The following GP1BB variants were observed in gnomAD, a reference collection of about 807,000 sequenced individuals.
GP1BB encodes the protein glycoprotein Ib platelet subunit beta.
GP1BB carries 3 observed loss-of-function variants against 2.5 expected under a neutral mutation model. The ratio of observed to expected loss-of-function variants is 1.22; its 90% CI spans 0.56 to 3.15. GP1BB has a LOEUF of 3.15. Among genes scored for constraint, GP1BB ranks in the 30% most tolerant of loss-of-function variants. The pLI is 0.03. For synonymous variants in GP1BB, 191 were observed against 167.5 expected, an observed-to-expected ratio of 1.14 and a Z score of -1.08; for missense variants, 316 against 307.0, an observed-to-expected ratio of 1.03 and a Z score of -0.22.
rs909281931 is a variant in GP1BB at position 19,724,271 on chromosome 22, C to T, written c.428C>T (p.Pro143Leu). The T allele has an allele frequency of 1.6e-6, 2 of 1,267,276 alleles. No individual in the cohort carries two copies. The highest frequency in any genetic ancestry group is 2.0e-6 in the Non-Finnish European group (2 of 1,011,734). 78.5% of individuals were successfully genotyped at this position (1,267,276 alleles called of 1,614,324 possible). A position where few individuals can be genotyped will look rare whatever the true frequency, so the allele number is the denominator to read the frequency against. Residue 143 changes from proline (P) to leucine (L), a missense_variant, in exon 2 of 2, where the codon CCC becomes CTC. Transcript: ENST00000366425. Reference sequence around the variant, plus strand: ...GACGAGCTGCGCGCCGCTTGCGCTCCCGGCCCGCTCTGCTGGGGGGCGCTG... The same window carrying T: ...GACGAGCTGCGCGCCGCTTGCGCTCTCGGCCCGCTCTGCTGGGGGGCGCTG... ...AEDELRAACAPGPLCWGALAA... is the reference protein window; with the variant it reads ...AEDELRAACALGPLCWGALAA...
chr22:19,723,603 C>T (rs1186157847), intron 1 of GP1BB, 24 bp downstream of exon 1: 1 of 1,594,032 alleles, frequency 6.3e-7, no homozygotes, highest in Non-Finnish European at 8.5e-7. Context: ...CCGGTCGGGC[C>T]CCCGGCTGCT....
At position 19,724,651 on chromosome 22, in the gene GP1BB, C is replaced by T. The variant is rs1936131293; in HGVS notation, c.*187C>T. 1.6e-6 allele frequency: 1 copy of T among 617,592 alleles called. No homozygotes were observed. The highest frequency in any genetic ancestry group is 2.4e-5 in the Admixed American group (1 of 40,894). The allele number at this position is 617,592 out of a possible 1,614,324, so 38.3% of individuals were successfully genotyped here. On this transcript the variant is annotated 3_prime_UTR_variant, in exon 2 of 2. Transcript: ENST00000366425. ...ACGTGGGACAGAACTCCTGCCCACC[C>T]TACCCCGAGGGAGGCGAACCCGCAC...
rs1196995165 is a variant in GP1BB at position 19,724,492 on chromosome 22, G to T, written c.*28G>T. The T allele has an allele frequency of 1.3e-5, 19 of 1,449,902 alleles. No homozygotes were observed. The highest frequency in any genetic ancestry group is 1.7e-5 in the Non-Finnish European group (18 of 1,057,890). 89.8% of individuals were successfully genotyped at this position (1,449,902 alleles called of 1,614,324 possible). A position where few individuals can be genotyped will look rare whatever the true frequency, so the allele number is the denominator to read the frequency against. Reference sequence around the variant, plus strand: ...AGAGAACCGGTGCGTCCTGAGGAGAGAACCGGCGCTGGGCAACACGGGCCT... The same window carrying T: ...AGAGAACCGGTGCGTCCTGAGGAGATAACCGGCGCTGGGCAACACGGGCCT... On this transcript the variant is annotated 3_prime_UTR_variant, in exon 2 of 2. Coordinates refer to ENST00000366425, the MANE Select transcript of GP1BB (RefSeq NM_000407.5).
In GP1BB at chr22:19,723,549, C is replaced by A; in HGVS notation, c.-21C>A. 1 of 1,589,886 alleles carries A rather than the reference C, an allele frequency of 6.3e-7. No individual in the cohort carries two copies. Among genetic ancestry groups the A allele is most frequent in the Non-Finnish European group, 8.5e-7 (1 of 1,173,208 alleles). ...CCTACGCCTCCCGCTGCAGAGTAAGCCGGGCTGCCGTCTTCTCGCCATGGG... is the reference window on the plus strand; with the variant it reads ...CCTACGCCTCCCGCTGCAGAGTAAGACGGGCTGCCGTCTTCTCGCCATGGG... On this transcript the variant is annotated 5_prime_UTR_variant, in exon 1 of 2. Transcript: ENST00000366425.
chr22:19,724,459 T>C lies in GP1BB; in HGVS notation c.616T>C (p.Ser206Pro), dbSNP rs1601249241. ...GGCCGAGCGAGCCGGAACCGACGAG[T>C]CCTGAGGAGAGAACCGGTGCGTCCT... is the stretch of plus-strand genomic sequence containing the variant. ...LVAERAGTDE[S>P] is the part of the protein sequence containing the mutation. The change falls in exon 2 of 2, where the codon TCC (serine) becomes CCC (proline). Residue 206 changes from serine to proline, a missense_variant. Physicochemically the swap from Ser to Pro is moderately conservative, Grantham distance 74. Coordinates refer to ENST00000366425, the MANE Select transcript of GP1BB (RefSeq NM_000407.5). 6.5e-7 allele frequency: 1 copy of C among 1,539,046 alleles called. No homozygotes were observed. Among genetic ancestry groups the C allele is most frequent in the Non-Finnish European group, 8.8e-7 (1 of 1,139,356 alleles).
In GP1BB at chr22:19,723,872, G is replaced by A. The variant is rs1321570653; in HGVS notation, c.29G>A (p.Ser10Asn). 6.6e-7 allele frequency: 1 copy of A among 1,524,580 alleles called. No individual in the cohort carries two copies. Among genetic ancestry groups the A allele is most frequent in the South Asian group, 1.2e-5 (1 of 82,918 alleles). 94.4% of individuals were successfully genotyped at this position (1,524,580 alleles called of 1,614,324 possible). ...CTTGCAGGGCCGCGCGGGGCGCTGAGCTTACTGCTCCTGCTGCTGGCCCCG... is the reference window on the plus strand; with the variant it reads ...CTTGCAGGGCCGCGCGGGGCGCTGAACTTACTGCTCCTGCTGCTGGCCCCG... MGSGPRGAL[S>N]LLLLLLAPPS... The change falls in exon 2 of 2, where the codon AGC becomes AAC. Residue 10 changes from serine to asparagine, a missense_variant. Transcript: ENST00000366425.
In GP1BB at chr22:19,724,211, C is replaced by T. The variant is rs1224690507; in HGVS notation, c.368C>T (p.Ala123Val). The T allele has an allele frequency of 4.9e-6, 6 of 1,226,162 alleles. No individual in the cohort carries two copies. In the African/African-American group the frequency reaches 7.9e-5, roughly 16 times the overall value. 76.0% of individuals were successfully genotyped at this position (1,226,162 alleles called of 1,614,324 possible). The change falls in exon 2 of 2, where the codon GCG becomes GTG. Residue 123 changes from alanine to valine, a missense_variant. Coordinates refer to ENST00000366425, the MANE Select transcript of GP1BB (RefSeq NM_000407.5). ...YRDLRCVAPP[A>V]LRGRLLPYLA... ...GACCTGCGTTGCGTGGCGCCCCCAG[C>T]GCTGCGCGGCCGCCTGCTGCCCTAT...
In GP1BB at chr22:19,724,564, A is replaced by G. The variant is rs1849629575; in HGVS notation, c.*100A>G. The G allele has an allele frequency of 5.9e-6, 5 of 853,600 alleles. No individual in the cohort carries two copies. The highest frequency in any genetic ancestry group is 9.6e-6 in the Non-Finnish European group (5 of 519,010). The allele number at this position is 853,600 out of a possible 1,614,324, so 52.9% of individuals were successfully genotyped here. On this transcript the variant is annotated 3_prime_UTR_variant, in exon 2 of 2. Transcript: ENST00000366425. ...CCGAGGGGCCCTCGCGCCAACCTGG[A>G]CCGGTCCCCGCCTCCTCCGCTGCCC... is the stretch of plus-strand genomic sequence containing the variant.
Position 19,723,870 on chromosome 22 carries a change from G to C in GP1BB, c.27G>C (p.Leu9=). 1 of 1,524,798 alleles carries C rather than the reference G, an allele frequency of 6.6e-7. No homozygotes were observed. The highest frequency in any genetic ancestry group is 8.8e-7 in the Non-Finnish European group (1 of 1,142,744). 94.5% of individuals were successfully genotyped at this position (1,524,798 alleles called of 1,614,324 possible). Residue 9 remains leucine (L), a synonymous_variant, in exon 2 of 2, where the codon CTG becomes CTC. Transcript: ENST00000366425. The part of the protein sequence containing the change: MGSGPRGA[L]SLLLLLLAPP... ...CCCTTGCAGGGCCGCGCGGGGCGCT[G>C]AGCTTACTGCTCCTGCTGCTGGCCC...
chr22:19,723,600 G>T, intron 1 of GP1BB, 21 bp downstream of exon 1: 1 of 1,595,038 alleles, frequency 6.3e-7, no homozygotes, highest in Non-Finnish European at 8.5e-7. Context: ...AGTCCGGTCG[G>T]GCCCCCGGCT....
chr22:19,724,681 A>G lies in GP1BB; in HGVS notation c.*217A>G. 1 of 589,140 alleles carries G rather than the reference A, an allele frequency of 1.7e-6. No individual in the cohort carries two copies. The highest frequency in any genetic ancestry group is 4.6e-4 in the Middle Eastern group (1 of 2,178). 36.5% of individuals were successfully genotyped at this position (589,140 alleles called of 1,614,324 possible). A position where few individuals can be genotyped will look rare whatever the true frequency, so the allele number is the denominator to read the frequency against. On this transcript the variant is annotated 3_prime_UTR_variant, in exon 2 of 2. Coordinates refer to ENST00000366425, the MANE Select transcript of GP1BB (RefSeq NM_000407.5). ...CCGAGGGAGGCGAACCCGCACTTCC[A>G]GGCTTGGGAGGACCATGGGGCACAA...
At chr22:19,723,641 C>G (rs745463875) in intron 1 of GP1BB, 62 bp downstream of exon 1, 1 of 1,555,576 alleles carries the variant, frequency 6.4e-7, no homozygotes, top group East Asian at 2.3e-5. Flanking sequence ...TTGAGAGGAG[C>G]TCTGGTCGTT....
chr22:19,723,646 G>T (rs1380223113), intron 1 of GP1BB, 67 bp downstream of exon 1: 1 of 1,541,218 alleles, frequency 6.5e-7, no homozygotes, highest in Admixed American at 1.8e-5. Flanking sequence ...AGGAGCTCTG[G>T]TCGTTTGGCT....
At position 19,724,368 on chromosome 22, in the gene GP1BB, G is replaced by C; in HGVS notation, c.525G>C (p.Leu175=). ...ALLLVLLLCR[L]RRLRARARAR... The stretch of plus-strand genomic sequence containing the variant: ...TGCTGGTGCTGCTGCTGTGCCGCCT[G>C]CGGAGGCTGCGGGCCCGGGCCCGCG... The change falls in exon 2 of 2, where the codon CTG becomes CTC. Residue 175 remains leucine (L), a synonymous_variant. Coordinates refer to ENST00000366425, the MANE Select transcript of GP1BB (RefSeq NM_000407.5). The C allele has an allele frequency of 1.3e-6, 2 of 1,501,670 alleles. No individual in the cohort carries two copies. Among genetic ancestry groups the C allele is most frequent in the Non-Finnish European group, 1.8e-6 (2 of 1,128,436 alleles). 93.0% of individuals were successfully genotyped at this position (1,501,670 alleles called of 1,614,324 possible). A position where few individuals can be genotyped will look rare whatever the true frequency, so the allele number is the denominator to read the frequency against.
Position 19,724,094 on chromosome 22 carries a change from C to T in GP1BB, c.251C>T (p.Ala84Val). Residue 84 changes from alanine to valine, a missense_variant, in exon 2 of 2, where the codon GCA becomes GTA. Ala to Val is a moderately conservative substitution (Grantham distance 64). Transcript: ENST00000366425. ...LLDALPALRT[A>V]HLGANPWRCD... ...GACGCGCTGCCCGCGCTGCGCACCG[C>T]ACACCTGGGCGCCAACCCCTGGCGC... 6.8e-7 allele frequency: 1 copy of T among 1,478,476 alleles called. No homozygotes were observed. The highest frequency in any genetic ancestry group is 2.9e-5 in the East Asian group (1 of 34,302). 91.6% of individuals were successfully genotyped at this position (1,478,476 alleles called of 1,614,324 possible). A position where few individuals can be genotyped will look rare whatever the true frequency, so the allele number is the denominator to read the frequency against.
rs777273775 is a variant in GP1BB, at chr22:19,723,594, C to G, written c.10+15C>G. On this transcript the variant is annotated intron_variant, in intron 1 of 1. Transcript: ENST00000366425. The stretch of plus-strand genomic sequence containing the variant: ...CATGGGCTCCGGTGAGTCTGGAGTC[C>G]GGTCGGGCCCCCGGCTGCTCCCTAG... The G allele has an allele frequency of 3.8e-6, 6 of 1,595,928 alleles. No homozygotes were observed. The East Asian group carries it at 1.3e-4, about 36-fold the overall frequency.
rs1309652503 is a variant in GP1BB at position 19,724,384 on chromosome 22, C to G, written c.541C>G (p.Arg181Gly). 6.5e-7 allele frequency: 1 copy of G among 1,530,500 alleles called. No individual in the cohort carries two copies. Among genetic ancestry groups the G allele is most frequent in the South Asian group, 1.2e-5 (1 of 82,748 alleles). 94.8% of individuals were successfully genotyped at this position (1,530,500 alleles called of 1,614,324 possible). A position where few individuals can be genotyped will look rare whatever the true frequency, so the allele number is the denominator to read the frequency against. ...GTGCCGCCTGCGGAGGCTGCGGGCC[C>G]GGGCCCGCGCTCGCGCCGCAGCCCG... ...LLCRLRRLRA[R>G]ARARAAARLS... is the part of the protein sequence containing the mutation. Residue 181 changes from arginine (R) to glycine (G), a missense_variant, in exon 2 of 2, where the codon CGG (arginine) becomes GGG (glycine). Arg to Gly is a moderately radical substitution (Grantham distance 125). Coordinates refer to ENST00000366425, the MANE Select transcript of GP1BB (RefSeq NM_000407.5).
Position 19,724,654 on chromosome 22 carries a change from C to T in GP1BB, c.*190C>T. 1.6e-6 allele frequency: 1 copy of T among 612,592 alleles called. No homozygotes were observed. Among genetic ancestry groups the T allele is most frequent in the Non-Finnish European group, 3.0e-6 (1 of 336,782 alleles). The allele number at this position is 612,592 out of a possible 1,614,324, so 37.9% of individuals were successfully genotyped here. ...TGGGACAGAACTCCTGCCCACCCTA[C>T]CCCGAGGGAGGCGAACCCGCACTTC... On this transcript the variant is annotated 3_prime_UTR_variant, in exon 2 of 2. Coordinates refer to ENST00000366425, the MANE Select transcript of GP1BB (RefSeq NM_000407.5).
rs1936125275 is a variant in GP1BB at position 19,724,432 on chromosome 22, G to A, written c.589G>A (p.Val197Met). Residue 197 changes from valine to methionine, a missense_variant, in exon 2 of 2, where the codon GTG (valine) becomes ATG (methionine). Transcript: ENST00000366425. Reference protein sequence around the residue: ...AARLSLTDPLVAERAGTDES With the variant: ...AARLSLTDPLMAERAGTDES ...CCGGCTGTCGCTGACCGACCCGCTG[G>A]TGGCCGAGCGAGCCGGAACCGACGA... 1 of 1,544,996 alleles carries A rather than the reference G, an allele frequency of 6.5e-7. No individual in the cohort carries two copies. The highest frequency in any genetic ancestry group is 8.7e-7 in the Non-Finnish European group (1 of 1,144,800).
Sources: gnomAD v4.1 joint callset for allele counts on GRCh38, gnomAD v4.1.1 for gene constraint, MANE v1.5 for transcripts, NCBI Gene and HGNC (gene_info 2026-07-23, HGNC 2026-07-21) for gene names.